Variants in MICAL3 observed in about 807,000 individuals in gnomAD.
MICAL3 encodes [F-actin]-monooxygenase MICAL3.
In MICAL3, 62 loss-of-function variants were observed where a neutral mutation model predicts 207.4. The ratio of observed to expected loss-of-function variants is 0.30; its 90% confidence interval spans 0.24 to 0.37. MICAL3 has a LOEUF of 0.37. MICAL3 is among the 10% of genes least tolerant of loss of function. The pLI, the probability that MICAL3 is intolerant of heterozygous loss-of-function variation, is 1.00. For missense variants in MICAL3, 2,368 were observed against 2,635.6 expected (o/e 0.90, Z 2.22); for synonymous variants, 1,077 against 1,069.3 (o/e 1.01, Z -0.14).
intron 19 of MICAL3, among the ~76,000 whole-genome samples, chr22:17,850,281 C>G (rs1925157425): frequency 6.6e-6 from 1 of 152,100 alleles, no homozygotes; most frequent in African/African-American, 2.4e-5. Context: ...CACTGTTTCC[C>G]AAGCATGCCG....
intron 18 of MICAL3, 111 bp from the exon 19 acceptor site, chr22:17,865,097 ATTT>A (rs1228196148): frequency 1.0e-5 from 6 of 592,044 alleles, no homozygotes; most frequent in Non-Finnish European, 1.3e-5. Flanking sequence ...TTATTTATTT[ATTT>A]ATTTATTTAT....
rs1429071258 is a variant in MICAL3 at position 17,819,008 on chromosome 22, G to A, written c.3653C>T (p.Ala1218Val). The A allele has an allele frequency of 6.2e-7, 1 of 1,608,826 alleles. No individual in the cohort carries two copies. Among genetic ancestry groups the A allele is most frequent in the South Asian group, 1.1e-5 (1 of 90,520 alleles). The change falls in exon 26 of 32, where the codon GCT (alanine) becomes GTT (valine). Residue 1218 changes from alanine (A) to valine (V), a missense_variant. By Grantham distance (64) the Ala-to-Val change is moderately conservative. Transcript: ENST00000441493. ...CTGTGATCGGATGGGAGAGTGCACA[G>A]CTTTCAGATCCGAGGGGGCATCAGC... ...PKADAPSDLK[A>V]VHSPIRSQPV...
rs574673863 is a variant in MICAL3 at position 17,818,165 on chromosome 22, C to T, written c.4496G>A (p.Arg1499Gln). ...CTCTCTGGGGGGCTGAGCAGGCTCC[C>T]GGGGGGGCCGCATCCAGGTGGCGGG... Reference protein sequence around the residue: ...PLPATWMRPPREPAQPPREEV... With the variant: ...PLPATWMRPPQEPAQPPREEV... Residue 1499 changes from arginine (R) to glutamine (Q), a missense_variant, in exon 26 of 32, where the codon CGG becomes CAG. Arg to Gln is a conservative substitution (Grantham distance 43, BLOSUM62 1). Around this residue, in one of 4 missense-constraint regions of MICAL3, gnomAD observed 1,770 missense variants for 1,863.2 expected, o/e 0.95. Coordinates refer to ENST00000441493, the MANE Select transcript of MICAL3 (RefSeq NM_015241.3). The T allele has an allele frequency of 6.1e-5, 98 of 1,594,274 alleles. No homozygotes were observed. The highest frequency in any genetic ancestry group is 4.9e-4 in the Middle Eastern group (3 of 6,074).
chr22:17,809,036 G>A (rs1415435281), intron 28 of MICAL3, 99 bp from the exon 29 acceptor site: 23 of 1,019,738 alleles, frequency 2.3e-5, no homozygotes, highest in South Asian at 1.7e-4. Context: ...AGGAGTTGCC[G>A]CTCTGGAAAG....
chr22:17,874,855 C>A (rs1461958440), intron 16 of MICAL3, among the ~76,000 whole-genome samples: 2 of 152,154 alleles, frequency 1.3e-5, no homozygotes, highest in Non-Finnish European at 2.9e-5. Flanking sequence ...CGCCGCACAC[C>A]ATACGCGTGC....
intron 1 of MICAL3, among the ~76,000 whole-genome samples, chr22:18,022,509 A>G (rs553908367): frequency 6.6e-6 from 1 of 151,218 alleles, no homozygotes; most frequent in African/African-American, 2.4e-5. Flanking sequence ...GCTCACTGCA[A>G]CCTCCACCTC....
rs544617210 is a variant in MICAL3 at position 17,808,948 on chromosome 22, C to G, written c.5557-11G>C. The G allele has an allele frequency of 1.6e-4, 246 of 1,548,660 alleles. 4 individuals are homozygous for G. The South Asian group carries it at 2.8e-3, about 18-fold the overall frequency. On this transcript the variant is annotated splice_polypyrimidine_tract_variant and intron_variant, in intron 28 of 31. Transcript: ENST00000441493. The stretch of plus-strand genomic sequence containing the variant: ...CTGCCGCTGGATGATCTATGACAGA[C>G]AGCACAGACTGAGCACCCGGCTCTC...
At chr22:17,901,604 G>A (rs778625355) in intron 5 of MICAL3, among the ~76,000 whole-genome samples, 2 of 152,126 alleles carry the variant, frequency 1.3e-5, no homozygotes, top group Non-Finnish European at 2.9e-5. Flanking sequence ...CAGGGAGATC[G>A]AGGCTGCAGT....
chr22:17,831,739 G>A, intron 21 of MICAL3, 115 bp downstream of exon 21: 1 of 1,462,780 alleles, frequency 6.8e-7, no homozygotes, highest in Non-Finnish European at 9.1e-7. Flanking sequence ...TGGTCCCTGG[G>A]CTGTGCAGGA....
intron 29 of MICAL3, among the ~76,000 whole-genome samples, chr22:17,799,457 C>T (rs560558996): frequency 9.2e-5 from 14 of 152,268 alleles, no homozygotes; most frequent in African/African-American, 3.1e-4. Context: ...GTGGGGCCAC[C>T]GTAGATTTTC....
chr22:17,867,004 C>A (rs1320854200), intron 17 of MICAL3, among the ~76,000 whole-genome samples: 1 of 152,202 alleles, frequency 6.6e-6, no homozygotes, highest in Admixed American at 6.5e-5. Flanking sequence ...GCTTCTTAGA[C>A]AAATGAGCTT....
intron 22 of MICAL3, among the ~76,000 whole-genome samples, chr22:17,825,284 TATC>T (rs1030469889): frequency 6.6e-6 from 1 of 151,898 alleles, no homozygotes; most frequent in African/African-American, 2.4e-5. Context: ...AGGTGAGAAA[TATC>T]AACGCAGCAG....
intron 1 of MICAL3, among the ~76,000 whole-genome samples, chr22:17,915,350 G>C (rs1022266897): frequency 6.6e-6 from 1 of 152,182 alleles, no homozygotes; most frequent in Non-Finnish European, 1.5e-5. Flanking sequence ...TGGCTGGTTG[G>C]TAGGCCGTAC....
In MICAL3 at chr22:17,834,446, T is replaced by C. The variant is rs561866445; in HGVS notation, c.2802-2339A>G. 58 of 1,280,678 alleles carry C rather than the reference T, an allele frequency of 4.5e-5. No homozygotes were observed. In the East Asian group the frequency reaches 1.2e-3, roughly 26 times the overall value. 79.3% of individuals were successfully genotyped at this position (1,280,678 alleles called of 1,614,324 possible). A position where few individuals can be genotyped will look rare whatever the true frequency, so the allele number is the denominator to read the frequency against. ...GACTCTTATGCTCAGCTGGGCCCAG[T>C]AGCTCACATCTGTGATCCCAGCACT... is the stretch of plus-strand genomic sequence containing the variant. On this transcript the variant is annotated intron_variant, in intron 20 of 31. Transcript: ENST00000441493.
At chr22:17,867,056 G>A (rs888968460) in intron 17 of MICAL3, among the ~76,000 whole-genome samples, 4 of 152,180 alleles carry the variant, frequency 2.6e-5, no homozygotes, top group African/African-American at 9.7e-5. Context: ...AAAAGTCAAA[G>A]AAAATAAAGG....
At chr22:17,858,489 G>T in intron 19 of MICAL3, 1 of 985,298 alleles carries the variant, frequency 1.0e-6, no homozygotes, top group Non-Finnish European at 1.2e-6. Flanking sequence ...TCTCTGCCTG[G>T]CTGCTGCCGT....
intron 25 of MICAL3, 42 bp downstream of exon 25, chr22:17,821,385 C>T (rs774197751): frequency 1.3e-6 from 2 of 1,491,504 alleles, no homozygotes; most frequent in African/African-American, 1.4e-5. Context: ...CCTTGGGGTC[C>T]CATTAGTTCT....
In MICAL3 at chr22:17,868,797, A is replaced by G. The variant is rs538031753; in HGVS notation, c.2429-2785T>C. Among the ~76,000 whole-genome samples, 71 of 152,088 alleles carry G rather than the reference A, an allele frequency of 4.7e-4. 2 individuals are homozygous for G. The South Asian group carries it at 0.015, about 32-fold the overall frequency. ...TTCACCCAGGCCCGAGTGCCACTGT[A>G]TGACAGCTACCAATCTGAACACCGA... is the stretch of plus-strand genomic sequence containing the variant. On this transcript the variant is annotated intron_variant, in intron 17 of 31. Transcript: ENST00000441493.
intron 1 of MICAL3, among the ~76,000 whole-genome samples, chr22:17,961,401 G>A (rs1209589550): frequency 1.3e-5 from 2 of 152,154 alleles, no homozygotes; most frequent in East Asian, 1.9e-4. Context: ...CTGGGGGAGC[G>A]TCAGCCCCGG....
Sources: gnomAD v4.1 joint callset for allele counts (sites outside exome capture counted in the v4.1 genomes callset) on GRCh38, gnomAD v4.1.1 for gene constraint, gnomAD v4.1.1 regional missense constraint, MANE v1.5 for transcripts, NCBI Gene and HGNC (gene_info 2026-07-23, HGNC 2026-07-21) for gene names.